SLC14A2: variants seen among roughly 807,000 people sequenced by gnomAD.
SLC14A2 encodes solute carrier family 14 member 2.
In SLC14A2, 91 loss-of-function variants were observed where a neutral mutation model predicts 104.6. The ratio of observed to expected loss-of-function variants is 0.87; its 90% CI spans 0.73 to 1.04. The LOEUF is 1.04. SLC14A2 is among the 50% of genes least tolerant of loss of function. The probability of loss-of-function intolerance (pLI) is 0.00; values close to 1 mark genes in which losing one functional copy is unlikely to be tolerated. For missense variants in SLC14A2, 1,189 were observed against 1,156.0 expected, an observed-to-expected ratio of 1.03 and a Z score of -0.41; for synonymous variants, 476 against 466.4, an observed-to-expected ratio of 1.02 and a Z score of -0.27.
At chr18:45,393,740 C>T (rs1189690363) in intron 1 of SLC14A2, among the ~76,000 whole-genome samples, 1 of 152,192 alleles carries the variant, frequency 6.6e-6, no homozygotes, top group African/African-American at 2.4e-5. Flanking sequence ...GCCTGCTTTG[C>T]AGGCTGGATG....
At chr18:45,174,870 T>G in the SLC14A2 span, among the ~76,000 whole-genome samples, 4 of 152,272 alleles carry the variant, frequency 2.6e-5, no homozygotes, top group East Asian at 7.7e-4. Context: ...AATGAAAAGA[T>G]GCATGAGCTC....
intron 1 of SLC14A2, among the ~76,000 whole-genome samples, chr18:45,455,682 C>T (rs1224066733): frequency 6.6e-6 from 1 of 151,536 alleles, no homozygotes; most frequent in Non-Finnish European, 1.5e-5. Context: ...ATCTATTGAG[C>T]ATTTGCTGCA....
At chr18:45,394,586 G>C (rs1174766633) in intron 1 of SLC14A2, among the ~76,000 whole-genome samples, 1 of 152,022 alleles carries the variant, frequency 6.6e-6, no homozygotes, top group Non-Finnish European at 1.5e-5. Flanking sequence ...TTTGATTTGC[G>C]TTTCCCTGAT....
chr18:45,373,169 C>T (rs2085740587), intron 1 of SLC14A2, among the ~76,000 whole-genome samples: 1 of 152,208 alleles, frequency 6.6e-6, no homozygotes, highest in South Asian at 2.1e-4. Flanking sequence ...CCCCATGACA[C>T]TAAATGTGGG....
At chr18:45,336,747 C>T (rs1468663567) in intron 1 of SLC14A2, among the ~76,000 whole-genome samples, 1 of 152,132 alleles carries the variant, frequency 6.6e-6, no homozygotes, top group Non-Finnish European at 1.5e-5. Context: ...ATGATGGCTC[C>T]TAGTTTCATC....
Position 45,637,003 on chromosome 18 carries a change from A to G in SLC14A2, c.664A>G (p.Ser222Gly). Reference protein sequence around the residue: ...FTAMSCPVLSSALNSIFSKWD... With the variant: ...FTAMSCPVLSGALNSIFSKWD... ...TTGCATCTTCAGCCCAGTTCTTTCT[A>G]GTGCCTTGAATTCCATCTTCAGCAA... Residue 222 changes from serine (S) to glycine (G), a missense_variant, in exon 6 of 20, where the codon AGT becomes GGT. Physicochemically the swap from Ser to Gly is moderately conservative, Grantham distance 56. Coordinates refer to ENST00000255226, the MANE Select transcript of SLC14A2 (RefSeq NM_007163.4). The G allele has an allele frequency of 6.2e-7, 1 of 1,613,946 alleles. No individual in the cohort carries two copies. Among genetic ancestry groups the G allele is most frequent in the Non-Finnish European group, 8.5e-7 (1 of 1,179,858 alleles).
chr18:45,457,773 A>T (rs1285638245), intron 1 of SLC14A2, among the ~76,000 whole-genome samples: 1 of 151,624 alleles, frequency 6.6e-6, no homozygotes. Flanking sequence ...TGACTTTACC[A>T]CTTACTACCT....
At chr18:45,301,426 G>T (rs899506504) in intron 1 of SLC14A2, among the ~76,000 whole-genome samples, 3 of 152,188 alleles carry the variant, frequency 2.0e-5, no homozygotes, top group African/African-American at 7.2e-5. Context: ...GAAGTAGTCC[G>T]TGGAGTCCCA....
chr18:45,357,349 C>T (rs942224572), intron 1 of SLC14A2, among the ~76,000 whole-genome samples: 4 of 150,644 alleles, frequency 2.7e-5, no homozygotes, highest in South Asian at 2.1e-4. Context: ...TGGTGGCTCA[C>T]GCCTGTAATC....
Position 45,416,969 on chromosome 18 carries a change from G to C in SLC14A2, c.-124-66264G>C, listed in dbSNP as rs147175503. 9.9e-3 allele frequency among the ~76,000 whole-genome samples: 1,502 copies of C among 152,302 alleles called. 16 individuals carry two copies. The highest frequency in any genetic ancestry group is 0.024 in the African/African-American group (1,001 of 41,572). On this transcript the variant is annotated intron_variant, in intron 1 of 20. Coordinates refer to the SLC14A2 transcript ENST00000586448. ...CGAGGTCCCAGTGCCTATGGAGCAC[G>C]TGTGTGTACACACATGTGGTACTTG...
chr18:45,583,423 A>T (rs2044526059), intron 2 of SLC14A2, among the ~76,000 whole-genome samples: 1 of 152,198 alleles, frequency 6.6e-6, no homozygotes, highest in Non-Finnish European at 1.5e-5. Context: ...TGCCTTGGAA[A>T]TCTGCCCTAA....
intron 1 of SLC14A2, among the ~76,000 whole-genome samples, chr18:45,461,177 A>G (rs1183628428): frequency 6.6e-6 from 1 of 152,120 alleles, no homozygotes; most frequent in Non-Finnish European, 1.5e-5. Context: ...ACTTTTCCCA[A>G]TACTGAAAAT....
intron 1 of SLC14A2, among the ~76,000 whole-genome samples, chr18:45,377,877 T>C (rs1462152): frequency 0.044 from 6,630 of 152,256 alleles, 244 homozygotes; most frequent in African/African-American, 0.095. Context: ...ATCTTCCTGC[T>C]TTACTTGCTA....
intron 2 of SLC14A2, among the ~76,000 whole-genome samples, chr18:45,550,412 T>C (rs1254914801): frequency 1.3e-5 from 2 of 152,300 alleles, no homozygotes; most frequent in African/African-American, 4.8e-5. Flanking sequence ...GGAAATCCCA[T>C]ATTGAGTTAA....
At chr18:45,187,098 C>CA in the SLC14A2 span, among the ~76,000 whole-genome samples, 18 of 152,188 alleles carry the variant, frequency 1.2e-4, no homozygotes, top group African/African-American at 3.9e-4. Flanking sequence ...ATGAATTACT[C>CA]AAAAAGTTAA....
chr18:45,497,636 G>A (rs954662964), intron 2 of SLC14A2, among the ~76,000 whole-genome samples: 3 of 152,154 alleles, frequency 2.0e-5, no homozygotes, highest in East Asian at 1.9e-4. Flanking sequence ...GTGCAGCAGC[G>A]GGCTGACAAT....
chr18:45,665,548 A>AAAACAG (rs2046004741), intron 11 of SLC14A2, among the ~76,000 whole-genome samples: 1 of 152,138 alleles, frequency 6.6e-6, no homozygotes, highest in African/African-American at 2.4e-5. Context: ...AACAAAAACA[A>AAAACAG]AAACAAACAG....
chr18:45,578,796 T>C (rs539291045), intron 2 of SLC14A2, among the ~76,000 whole-genome samples: 2 of 152,360 alleles, frequency 1.3e-5, no homozygotes, highest in African/African-American at 4.8e-5. Flanking sequence ...GTGTATCAGT[T>C]AGCTAGAGCT....
intron 1 of SLC14A2, among the ~76,000 whole-genome samples, chr18:45,391,806 A>G (rs1217058202): frequency 2.0e-5 from 3 of 152,224 alleles, no homozygotes; most frequent in Non-Finnish European, 4.4e-5. Context: ...GTTTGAGTTC[A>G]TTGTAGATTC....
Sources: allele counts gnomAD v4.1 joint callset (sites outside exome capture counted in the v4.1 genomes callset), GRCh38; gene constraint gnomAD v4.1.1; transcripts MANE v1.5; gene names NCBI Gene and HGNC (gene_info 2026-07-23, HGNC 2026-07-21).